The following RFX7 variants were observed in gnomAD, a reference collection of about 807,000 sequenced individuals.
RFX7 encodes regulatory factor X7, also known as DNA-binding protein RFX7.
Under a neutral mutation model 111.8 loss-of-function variants are expected in RFX7, and 26 were observed. The ratio of observed to expected loss-of-function variants is 0.23; its 90% CI spans 0.17 to 0.32. RFX7 has a LOEUF of 0.32. RFX7 is among the 10% of genes least tolerant of loss of function. The pLI is 1.00. For missense variants in RFX7, 1,573 were observed against 1,772.9 expected, an observed-to-expected ratio of 0.89 and a Z score of 2.02; for synonymous variants, 624 against 624.4, an observed-to-expected ratio of 1.00 and a Z score of 0.01.
In RFX7 at chr15:56,095,292, A is replaced by C; in HGVS notation, c.2436T>G (p.Asp812Glu). 6.2e-7 allele frequency: 1 copy of C among 1,613,992 alleles called. No homozygotes were observed. Among genetic ancestry groups the C allele is most frequent in the Non-Finnish European group, 8.5e-7 (1 of 1,179,864 alleles). ...AAACAGATTTCTCTAAGTCATTGAT[A>C]TCAGAGTGCTCAGGAATTGTCATAA... The part of the protein sequence containing the change: ...ISVMTIPEHS[D>E]INDLEKSVWE... The change falls in exon 10 of 10, where the codon GAT (aspartate) becomes GAG (glutamate). Residue 812 changes from aspartate to glutamate, a missense_variant. By Grantham distance (45) the Asp-to-Glu change is conservative. This residue lies in a region of RFX7 where 625 missense variants were observed against 632.2 expected (regional missense o/e 0.99). Coordinates refer to ENST00000559447, the MANE Select transcript of RFX7 (RefSeq NM_022841.7).
chr15:56,182,609 C>A (rs185308790), intron 2 of RFX7, among the ~76,000 whole-genome samples: 25 of 152,214 alleles, frequency 1.6e-4, no homozygotes, highest in Admixed American at 1.6e-3. Flanking sequence ...TCACACTGTA[C>A]TTTTCTACAA....
At position 56,142,155 on chromosome 15, in the gene RFX7, A is replaced by G. The variant is rs368395707; in HGVS notation, c.401+623T>C. 1.1e-4 allele frequency among the ~76,000 whole-genome samples: 17 copies of G among 152,282 alleles called. No individual in the cohort carries two copies. The South Asian group carries it at 3.3e-3, about 30-fold the overall frequency. ...TCCTCCTTCCAAATCAATTATAAAAATGTTAAACGAGACTATATTTAGCAC... is the reference window on the plus strand; with the variant it reads ...TCCTCCTTCCAAATCAATTATAAAAGTGTTAAACGAGACTATATTTAGCAC... On this transcript the variant is annotated intron_variant, in intron 5 of 9. Coordinates refer to ENST00000559447, the MANE Select transcript of RFX7 (RefSeq NM_022841.7).
intron 2 of RFX7, among the ~76,000 whole-genome samples, chr15:56,198,604 T>A (rs1266182191): frequency 2.6e-5 from 4 of 152,162 alleles, no homozygotes; most frequent in Non-Finnish European, 5.9e-5. Context: ...ATCCAATTTC[T>A]TCAACAAATA....
intron 2 of RFX7, among the ~76,000 whole-genome samples, chr15:56,199,438 T>C (rs2043173990): frequency 6.6e-6 from 1 of 152,176 alleles, no homozygotes; most frequent in Non-Finnish European, 1.5e-5. Flanking sequence ...ATTGTAAAAA[T>C]ATGTATTTTG....
At chr15:56,239,167 C>T (rs12593439) in intron 2 of RFX7, among the ~76,000 whole-genome samples, 19,855 of 152,100 alleles carry the variant, frequency 0.13, 1,729 homozygotes, top group East Asian at 0.45. Context: ...TTTTGGAATA[C>T]TTGCATATGT....
chr15:56,113,657 A>G (rs1472625313), intron 5 of RFX7, among the ~76,000 whole-genome samples: 1 of 127,742 alleles, frequency 7.8e-6, no homozygotes, highest in African/African-American at 2.8e-5. Flanking sequence ...CGGAATGTAG[A>G]GTAAAATAAA....
At chr15:56,143,203 A>G (rs1322351106) in intron 4 of RFX7, among the ~76,000 whole-genome samples, 1 of 152,134 alleles carries the variant, frequency 6.6e-6, no homozygotes, top group Non-Finnish European at 1.5e-5. Context: ...TTACCTGTTC[A>G]TTTGCCTACA....
chr15:56,093,609 G>A lies in RFX7; in HGVS notation c.4119C>T (p.Leu1373=), dbSNP rs1320663848. 4 of 1,613,680 alleles carry A rather than the reference G, an allele frequency of 2.5e-6. No individual in the cohort carries two copies. In the African/African-American group the frequency reaches 5.3e-5, roughly 22 times the overall value. The change falls in exon 10 of 10, where the codon CTC becomes CTT. Residue 1373 remains leucine, a synonymous_variant. Transcript: ENST00000559447. ...TAGAGAAATCAGATGCAGTATTAGTGAGATCAGATGCTCCCTGACCTACCA... is the reference window on the plus strand; with the variant it reads ...TAGAGAAATCAGATGCAGTATTAGTAAGATCAGATGCTCCCTGACCTACCA... ...QQLVGQGASD[L]TNTASDFSSD... is the part of the protein sequence containing the mutation.
rs1392379733 is a variant in RFX7 at position 56,087,770 on chromosome 15, A to T, written c.*5575T>A. On this transcript the variant is annotated 3_prime_UTR_variant, in exon 10 of 10. Coordinates refer to ENST00000559447, the MANE Select transcript of RFX7 (RefSeq NM_022841.7). ...TTTTTCATTATATTGCAAAATTTCAAAATGGCAGGTGTCTTCTCTAGCACC... is the reference window on the plus strand; with the variant it reads ...TTTTTCATTATATTGCAAAATTTCATAATGGCAGGTGTCTTCTCTAGCACC... 1 of 342,606 alleles carries T rather than the reference A, an allele frequency of 2.9e-6. No homozygotes were observed. The highest frequency in any genetic ancestry group is 2.1e-5 in the African/African-American group (1 of 46,544). The allele number at this position is 342,606 out of a possible 1,614,324, so 21.2% of individuals were successfully genotyped here. A position where few individuals can be genotyped will look rare whatever the true frequency, so the allele number is the denominator to read the frequency against.
chr15:56,206,200 A>C (rs1467665826), intron 2 of RFX7, among the ~76,000 whole-genome samples: 1 of 152,206 alleles, frequency 6.6e-6, no homozygotes, highest in African/African-American at 2.4e-5. Context: ...CTATTGATGG[A>C]TAAATGGACA....
At chr15:56,153,797 A>G (rs1567029891) in intron 3 of RFX7, among the ~76,000 whole-genome samples, 1 of 152,208 alleles carries the variant, frequency 6.6e-6, no homozygotes, top group East Asian at 1.9e-4. Flanking sequence ...GGCCAGGGCA[A>G]TCAGGAAAGA....
At position 56,131,217 on chromosome 15, in the gene RFX7, C is replaced by T. The variant is rs537342690; in HGVS notation, c.401+11561G>A. 2.6e-4 allele frequency among the ~76,000 whole-genome samples: 40 copies of T among 151,080 alleles called. No homozygotes were observed. In the Middle Eastern group the frequency reaches 0.01, roughly 40 times the overall value. Reference sequence around the variant, plus strand: ...CTCAATGGTACACTACAAGATAACACGTCTTGACATAAGGAGGACATTCAT... The same window carrying T: ...CTCAATGGTACACTACAAGATAACATGTCTTGACATAAGGAGGACATTCAT... On this transcript the variant is annotated intron_variant, in intron 5 of 9. Coordinates refer to ENST00000559447, the MANE Select transcript of RFX7 (RefSeq NM_022841.7).
At position 56,242,559 on chromosome 15, in the gene RFX7, T is replaced by C. The variant is rs144986498; in HGVS notation, c.161+566A>G. 7.7e-3 allele frequency among the ~76,000 whole-genome samples: 1,178 copies of C among 152,318 alleles called. 13 individuals are homozygous for C. The highest frequency in any genetic ancestry group is 0.027 in the African/African-American group (1,125 of 41,576). ...AAATATTTTATACTAAAAAAGCACTTTCTTCACAATCAATGCAAAGAATAA... is the reference window on the plus strand; with the variant it reads ...AAATATTTTATACTAAAAAAGCACTCTCTTCACAATCAATGCAAAGAATAA... On this transcript the variant is annotated intron_variant, in intron 2 of 9. Coordinates refer to ENST00000559447, the MANE Select transcript of RFX7 (RefSeq NM_022841.7).
rs374394850 is a variant in RFX7 at position 56,095,560 on chromosome 15, C to A, written c.2168G>T (p.Ser723Ile). ...QIPSKVSVNV[S>I]SHIGANQPLN... is the part of the protein sequence containing the mutation. ...GGGTTGATTTGCTCCTATGTGTGAACTGACATTTACTGATACCTTGCTAGG... is the reference window on the plus strand; with the variant it reads ...GGGTTGATTTGCTCCTATGTGTGAAATGACATTTACTGATACCTTGCTAGG... Residue 723 changes from serine (S) to isoleucine (I), a missense_variant, in exon 10 of 10, where the codon AGT (serine) becomes ATT (isoleucine). By Grantham distance (142) the Ser-to-Ile change is moderately radical. Transcript: ENST00000559447. 2 of 1,613,920 alleles carry A rather than the reference C, an allele frequency of 1.2e-6. No homozygotes were observed. Among genetic ancestry groups the A allele is most frequent in the East Asian group, 2.2e-5 (1 of 44,888 alleles).
chr15:56,222,257 G>T (rs2043434474), intron 2 of RFX7, among the ~76,000 whole-genome samples: 1 of 152,086 alleles, frequency 6.6e-6, no homozygotes, highest in South Asian at 2.1e-4. Context: ...TGTATATCAC[G>T]TATCTTCCCC....
At chr15:56,183,376 CT>C (rs1376329112) in intron 2 of RFX7, among the ~76,000 whole-genome samples, 1 of 151,834 alleles carries the variant, frequency 6.6e-6, no homozygotes, top group African/African-American at 2.4e-5. Flanking sequence ...TAAAAGCAGT[CT>C]ATATTTTATT....
At chr15:56,137,451 T>C (rs28867122) in intron 5 of RFX7, among the ~76,000 whole-genome samples, 146,972 of 152,214 alleles carry the variant, frequency 0.97, 71,173 homozygotes, top group East Asian at 1. Context: ...TCTGTGGGAT[T>C]GGTGGTGATA....
chr15:56,234,953 T>A (rs1160371626), intron 2 of RFX7, among the ~76,000 whole-genome samples: 1 of 152,232 alleles, frequency 6.6e-6, no homozygotes, highest in Non-Finnish European at 1.5e-5. Flanking sequence ...CAGATCATTG[T>A]TCCCCTGGGA....
At chr15:56,173,349 A>G (rs2042866134) in intron 3 of RFX7, among the ~76,000 whole-genome samples, 1 of 152,266 alleles carries the variant, frequency 6.6e-6, no homozygotes, top group South Asian at 2.1e-4. Context: ...ACAAACTTCA[A>G]TACACTTCAA....
Sources: allele counts gnomAD v4.1 joint callset (sites outside exome capture counted in the v4.1 genomes callset), GRCh38; gene constraint gnomAD v4.1.1; regional missense constraint gnomAD v4.1.1; transcripts MANE v1.5; gene names NCBI Gene and HGNC (gene_info 2026-07-23, HGNC 2026-07-21).